MAP3K20: variants seen among roughly 807,000 people sequenced by gnomAD.
MAP3K20 encodes HCCS-4.
A neutral mutation model predicts 85.7 loss-of-function variants in MAP3K20; 40 were observed. That is an observed-to-expected ratio of 0.47 (90% confidence interval 0.36 to 0.61). The LOEUF is 0.61. Among genes scored for constraint, MAP3K20 ranks in the 20% least tolerant of loss-of-function variants. The pLI, the probability that MAP3K20 is intolerant of heterozygous loss-of-function variation, is 0.00. For synonymous variants in MAP3K20, 325 were observed against 327.7 expected (o/e 0.99, Z 0.09); for missense variants, 817 against 961.7 (o/e 0.85, Z 1.99).
At chr2:173,093,177 A>G (rs1175989639) in intron 2 of MAP3K20, among the ~76,000 whole-genome samples, 1 of 152,198 alleles carries the variant, frequency 6.6e-6, no homozygotes, top group Non-Finnish European at 1.5e-5. Context: ...TTATGTAAAT[A>G]ATTGTTATGC....
intron 16 of MAP3K20, among the ~76,000 whole-genome samples, chr2:173,255,342 G>A (rs531719142): frequency 9.2e-5 from 14 of 152,086 alleles, no homozygotes; most frequent in East Asian, 1.9e-4. Flanking sequence ...CACCTCTCCC[G>A]CTTGTCTGTC....
intron 2 of MAP3K20, among the ~76,000 whole-genome samples, chr2:173,139,559 A>C (rs1688907987): frequency 6.6e-6 from 1 of 152,176 alleles, no homozygotes; most frequent in South Asian, 2.1e-4. Flanking sequence ...ACTCTTACAA[A>C]ATGACATTTA....
At chr2:173,099,330 G>GT (rs1379936940) in intron 2 of MAP3K20, among the ~76,000 whole-genome samples, 73 of 106,774 alleles carry the variant, frequency 6.8e-4, no homozygotes, top group African/African-American at 2.5e-3. Flanking sequence ...TTTGTGTTTT[G>GT]TTTTGTTTTT....
chr2:173,109,059 T>G (rs941198070), intron 2 of MAP3K20, among the ~76,000 whole-genome samples: 1 of 152,232 alleles, frequency 6.6e-6, no homozygotes, highest in Non-Finnish European at 1.5e-5. Context: ...AGAATGTCAT[T>G]GATGGCCCAG....
chr2:173,164,342 G>A lies in MAP3K20; in HGVS notation c.160-5463G>A, dbSNP rs141426520. ...GCATTTTTCCATATGCTTGTTGGCC[G>A]CATGTATGTCTTCTTTTGAAAAGTG... On this transcript the variant is annotated intron_variant, in intron 2 of 19. Transcript: ENST00000375213. Among the ~76,000 whole-genome samples, 647 of 152,210 alleles carry A rather than the reference G, an allele frequency of 4.3e-3. 9 individuals are homozygous for A. The highest frequency in any genetic ancestry group is 0.014 in the African/African-American group (599 of 41,534).
At chr2:173,145,277 A>G (rs1689106001) in intron 2 of MAP3K20, among the ~76,000 whole-genome samples, 1 of 152,096 alleles carries the variant, frequency 6.6e-6, no homozygotes. Context: ...TGGTAACTAG[A>G]GCTTCATCAA....
intron 11 of MAP3K20, 149 bp downstream of exon 11, chr2:173,217,399 C>T (rs1684111158): frequency 5.5e-6 from 5 of 905,156 alleles, no homozygotes; most frequent in Non-Finnish European, 6.0e-6. Context: ...CGCGTGTGGA[C>T]TCAAGCAGCG....
At chr2:173,085,784 ATTTTTTTTTTTTTT>A (rs61431056) in intron 1 of MAP3K20, among the ~76,000 whole-genome samples, 32 of 73,760 alleles carry the variant, frequency 4.3e-4, no homozygotes, top group Non-Finnish European at 6.2e-4. Context: ...TGTAAAAGCA[ATTTTTTTTTTTTTT>A]TTTTTTTTTT....
intron 10 of MAP3K20, chr2:173,211,064 A>G (rs1306399533): frequency 1.3e-5 from 2 of 152,200 alleles, no homozygotes; most frequent in African/African-American, 2.4e-5. Context: ...TTTTTGCAGT[A>G]AGAGATCAGT....
At chr2:173,265,963 G>A (rs1177237081) in intron 19 of MAP3K20, 87 bp from the exon 20 acceptor site, 4 of 1,360,590 alleles carry the variant, frequency 2.9e-6, no homozygotes, top group Non-Finnish European at 3.0e-6. Context: ...ATCCCAAACA[G>A]CCCTGAATTA....
At chr2:173,111,888 C>T (rs1024998501) in intron 2 of MAP3K20, among the ~76,000 whole-genome samples, 1 of 151,152 alleles carries the variant, frequency 6.6e-6, no homozygotes, top group Non-Finnish European at 1.5e-5. Context: ...TTTTGCTTAG[C>T]TATGCATGCT....
intron 2 of MAP3K20, among the ~76,000 whole-genome samples, chr2:173,145,425 A>G (rs1689109434): frequency 6.6e-6 from 1 of 152,224 alleles, no homozygotes; most frequent in African/African-American, 2.4e-5. Flanking sequence ...CTGCAAGTCA[A>G]TATTAAAAAG....
chr2:173,124,408 G>A (rs544106870), intron 2 of MAP3K20, among the ~76,000 whole-genome samples: 219 of 152,292 alleles, frequency 1.4e-3, no homozygotes, highest in African/African-American at 5.1e-3. Context: ...AAGAGGGCCT[G>A]CTCCCCGGGC....
rs117479569 is a variant in MAP3K20, at chr2:173,172,138, C to G, written c.247+2246C>G. On this transcript the variant is annotated intron_variant, in intron 3 of 19. Coordinates refer to ENST00000375213, the MANE Select transcript of MAP3K20 (RefSeq NM_016653.3). Reference sequence around the variant, plus strand: ...TGGATTAGTGATGACGACACTTACTCTGCCACTGGAAATGAGCACAAATAA... The same window carrying G: ...TGGATTAGTGATGACGACACTTACTGTGCCACTGGAAATGAGCACAAATAA... Among the ~76,000 whole-genome samples, 21 of 152,258 alleles carry G rather than the reference C, an allele frequency of 1.4e-4. 1 individual carries two copies. In the East Asian group the frequency reaches 4.0e-3, roughly 29 times the overall value.
chr2:173,261,167 C>T (rs775775139), intron 18 of MAP3K20, 30 bp downstream of exon 18: 73 of 1,604,178 alleles, frequency 4.6e-5, no homozygotes, highest in Non-Finnish European at 5.9e-5. Flanking sequence ...GGCTGGTGGC[C>T]TCACCATCAG....
At chr2:173,201,333 C>T (rs1691053526) in intron 8 of MAP3K20, among the ~76,000 whole-genome samples, 1 of 152,108 alleles carries the variant, frequency 6.6e-6, no homozygotes, top group South Asian at 2.1e-4. Flanking sequence ...TTAAATGGAA[C>T]AGATGGATAT....
chr2:173,096,285 A>T (rs539586484), intron 2 of MAP3K20, among the ~76,000 whole-genome samples: 1 of 152,110 alleles, frequency 6.6e-6, no homozygotes, highest in Non-Finnish European at 1.5e-5. Flanking sequence ...AATCAGAAAA[A>T]TTCAATTTAA....
intron 2 of MAP3K20, among the ~76,000 whole-genome samples, chr2:173,136,988 T>A (rs1049596933): frequency 6.6e-6 from 1 of 152,200 alleles, no homozygotes; most frequent in Non-Finnish European, 1.5e-5. Flanking sequence ...CTTTGTTCTA[T>A]CCTTTTCTTG....
At chr2:173,241,920 G>T (rs1052697245) in intron 16 of MAP3K20, among the ~76,000 whole-genome samples, 3 of 152,158 alleles carry the variant, frequency 2.0e-5, no homozygotes, top group Admixed American at 2.0e-4. Flanking sequence ...AAAGGGGACA[G>T]GAAAGTAAGT....
Sources: gnomAD v4.1 joint callset for allele counts (sites outside exome capture counted in the v4.1 genomes callset) on GRCh38, gnomAD v4.1.1 for gene constraint, MANE v1.5 for transcripts, NCBI Gene and HGNC (gene_info 2026-07-23, HGNC 2026-07-21) for gene names.